CRADD: variants seen among roughly 807,000 people sequenced by gnomAD.
The protein encoded by CRADD is CARD and death domain containing adaptor protein.
Under a neutral mutation model 15.5 loss-of-function variants are expected in CRADD, and 9 were observed. The ratio of observed to expected loss-of-function variants is 0.58; its 90% CI spans 0.35 to 1.01. The LOEUF (loss-of-function observed/expected upper bound fraction) is 1.01, where lower values mean the gene tolerates loss of function less well. CRADD is among the 50% of genes least tolerant of loss of function. The probability of loss-of-function intolerance (pLI) is 0.02; values close to 1 mark genes in which losing one functional copy is unlikely to be tolerated. For missense variants in CRADD, 227 were observed against 250.3 expected, an observed-to-expected ratio of 0.91 and a Z score of 0.63; for synonymous variants, 118 against 107.6, an observed-to-expected ratio of 1.10 and a Z score of -0.60.
At chr12:93,875,050 C>G (rs1958448653) in intron 2 of CRADD, among the ~76,000 whole-genome samples, 1 of 152,026 alleles carries the variant, frequency 6.6e-6, no homozygotes, top group South Asian at 2.1e-4. Flanking sequence ...GTATTATGAT[C>G]TATCTCTCCC....
intron 2 of CRADD, among the ~76,000 whole-genome samples, chr12:93,839,036 G>T (rs1958017308): frequency 6.6e-6 from 1 of 152,100 alleles, no homozygotes; most frequent in African/African-American, 2.4e-5. Flanking sequence ...ACCTCCCAAA[G>T]TGTTGGGATT....
intron 2 of CRADD, among the ~76,000 whole-genome samples, chr12:93,863,597 TGTGTGTGTGTGTGTG>T (rs1343633533): frequency 2.3e-4 from 2 of 8,820 alleles, no homozygotes; most frequent in East Asian, 6.1e-3. Context: ...TGGAGGCATT[TGTGTGTGTGTGTGTG>T]TGTGTGTGTG....
intron 2 of CRADD, among the ~76,000 whole-genome samples, chr12:93,873,632 T>G (rs1413303480): frequency 6.6e-6 from 1 of 152,158 alleles, no homozygotes; most frequent in Non-Finnish European, 1.5e-5. Context: ...AGATGTTCAA[T>G]TTTATTATAT....
chr12:93,820,919 GA>G (rs1300067429), intron 2 of CRADD, among the ~76,000 whole-genome samples: 1 of 152,274 alleles, frequency 6.6e-6, no homozygotes, highest in East Asian at 1.9e-4. Context: ...CATTCATCAG[GA>G]AGGAGATTTT....
chr12:93,741,924 C>G (rs1956674003), intron 2 of CRADD, among the ~76,000 whole-genome samples: 1 of 151,982 alleles, frequency 6.6e-6, no homozygotes, highest in Non-Finnish European at 1.5e-5. Flanking sequence ...ACCCTTAGTG[C>G]TCATTCTATG....
rs1269031254 is a variant in CRADD at position 93,839,677 on chromosome 12, G to T, written c.299-10293G>T. Among the ~76,000 whole-genome samples, 4 of 152,132 alleles carry T rather than the reference G, an allele frequency of 2.6e-5. No homozygotes were observed. The East Asian group carries it at 7.7e-4, about 29-fold the overall frequency. ...GTTTACATTTGTTTCTTAAATTTCT[G>T]CATTTGAGCATCTCTTTATGTGCTC... is the stretch of plus-strand genomic sequence containing the variant. On this transcript the variant is annotated intron_variant, in intron 2 of 2. Coordinates refer to ENST00000332896, the MANE Select transcript of CRADD (RefSeq NM_003805.5).
At chr12:93,792,896 C>T (rs902950039) in intron 2 of CRADD, among the ~76,000 whole-genome samples, 1 of 152,124 alleles carries the variant, frequency 6.6e-6, no homozygotes, top group Non-Finnish European at 1.5e-5. Flanking sequence ...AAAGTTTCCC[C>T]TGAATCCACA....
intron 2 of CRADD, among the ~76,000 whole-genome samples, chr12:93,779,699 C>T (rs1799507167): frequency 1.3e-5 from 2 of 151,428 alleles, no homozygotes; most frequent in African/African-American, 4.8e-5. Flanking sequence ...AAGCGATTCT[C>T]CTGGCTTAGC....
Position 93,850,390 on chromosome 12 carries a change from G to C in CRADD, c.*119G>C. On this transcript the variant is annotated 3_prime_UTR_variant, in exon 3 of 3. Transcript: ENST00000332896. The surrounding 1 kb of genome is among the most constrained non-coding windows in gnomAD (Gnocchi z 4.0). ...TGTTTTTTATTTTTGATGATCTTCAGATGGAAGGAGAAAACAGGGTTTCCA... is the reference window on the plus strand; with the variant it reads ...TGTTTTTTATTTTTGATGATCTTCACATGGAAGGAGAAAACAGGGTTTCCA... 7.1e-7 allele frequency: 1 copy of C among 1,406,928 alleles called. No individual in the cohort carries two copies. The highest frequency in any genetic ancestry group is 9.2e-7 in the Non-Finnish European group (1 of 1,087,024). 87.2% of individuals were successfully genotyped at this position (1,406,928 alleles called of 1,614,324 possible). A position where few individuals can be genotyped will look rare whatever the true frequency, so the allele number is the denominator to read the frequency against.
chr12:93,738,623 T>C (rs1956622125), intron 2 of CRADD: 1 of 576,118 alleles, frequency 1.7e-6, no homozygotes, highest in South Asian at 2.2e-5. Context: ...AAACTAAAAC[T>C]GATGTCATTG....
In CRADD at chr12:93,782,336, CTG is replaced by C. The variant is rs576987540; in HGVS notation, c.299-67632_299-67631del. Among the ~76,000 whole-genome samples the C allele has an allele frequency of 3.3e-3, 277 of 83,548 alleles. 1 individual carries two copies. The highest frequency in any genetic ancestry group is 0.013 in the African/African-American group (266 of 20,424). 54.8% of individuals were successfully genotyped at this position (83,548 alleles called of 152,430 possible). A position where few individuals can be genotyped will look rare whatever the true frequency, so the allele number is the denominator to read the frequency against. On this transcript the variant is annotated intron_variant, in intron 2 of 2. Transcript: ENST00000332896. Reference sequence around the variant, plus strand: ...GAAGGGGAACATCACACACCGGGGACTGTTGTGGGGTTGGGGGAGGGGGGAGG... The same window carrying C: ...GAAGGGGAACATCACACACCGGGGACTTGTGGGGTTGGGGGAGGGGGGAGG...
At chr12:93,754,602 C>A (rs1428646506) in intron 2 of CRADD, among the ~76,000 whole-genome samples, 5 of 152,224 alleles carry the variant, frequency 3.3e-5, no homozygotes, top group Non-Finnish European at 7.3e-5. Flanking sequence ...CCACCAGTCT[C>A]TTTGCTAAAG....
At chr12:93,858,065 C>T (rs1958289585) in intron 2 of CRADD, among the ~76,000 whole-genome samples, 1 of 152,168 alleles carries the variant, frequency 6.6e-6, no homozygotes. Flanking sequence ...GCTGAGGGAG[C>T]AGACCCTTTG....
chr12:93,777,470 C>G (rs1957152953), intron 2 of CRADD, among the ~76,000 whole-genome samples: 1 of 152,090 alleles, frequency 6.6e-6, no homozygotes, highest in Non-Finnish European at 1.5e-5. Context: ...AAAGGAAGGT[C>G]AGAGAGAGGA....
chr12:93,879,915 C>A (rs1053755329), intron 2 of CRADD, among the ~76,000 whole-genome samples: 2 of 152,172 alleles, frequency 1.3e-5, no homozygotes, highest in Non-Finnish European at 2.9e-5. Context: ...GTTGATTTTT[C>A]TCTTGAGAAA....
chr12:93,730,225 A>G (rs1956440230), intron 2 of CRADD, among the ~76,000 whole-genome samples: 1 of 152,220 alleles, frequency 6.6e-6, no homozygotes, highest in African/African-American at 2.4e-5. Flanking sequence ...ATTTAGCAAA[A>G]CTGTTGCAGC....
rs560405146 is a variant in CRADD at position 93,794,611 on chromosome 12, A to G, written c.299-55359A>G. ...CCAGTCCGAACCTCTGACATCTCTC[A>G]CTGGACTTCCATATCACCTCCTAAT... On this transcript the variant is annotated intron_variant, in intron 2 of 2. Transcript: ENST00000332896. Among the ~76,000 whole-genome samples the G allele has an allele frequency of 4.6e-5, 7 of 152,048 alleles. No individual in the cohort carries two copies. In the South Asian group the frequency reaches 1.0e-3, roughly 23 times the overall value.
intron 2 of CRADD, among the ~76,000 whole-genome samples, chr12:93,716,122 A>G (rs997592270): frequency 1.4e-5 from 2 of 147,940 alleles, no homozygotes; most frequent in African/African-American, 5.1e-5. Flanking sequence ...ACAGAGCAAG[A>G]CTCCACCTCA....
intron 2 of CRADD, among the ~76,000 whole-genome samples, chr12:93,773,686 T>A (rs1957109239): frequency 6.6e-6 from 1 of 152,056 alleles, no homozygotes; most frequent in Non-Finnish European, 1.5e-5. Context: ...TTGAATCATC[T>A]GTCTCTGGCT....
Sources: gnomAD v4.1 joint callset for allele counts (sites outside exome capture counted in the v4.1 genomes callset) on GRCh38, gnomAD v4.1.1 for gene constraint, Gnocchi (gnomAD v3.1) non-coding constraint, MANE v1.5 for transcripts, NCBI Gene and HGNC (gene_info 2026-07-23, HGNC 2026-07-21) for gene names.